Variants in PRKG1 observed in about 807,000 individuals in gnomAD.
PRKG1 encodes protein kinase cGMP-dependent 1, also known as cGMP-dependent protein kinase 1.
PRKG1 carries 35 observed loss-of-function variants against 88.1 expected under a neutral mutation model. The observed-to-expected ratio is 0.40, with a 90% CI of 0.30 to 0.53. The LOEUF is 0.53. Ranked by LOEUF, PRKG1 falls within the 20% of genes least tolerant of loss-of-function variation. PRKG1 has a pLI of 0.59. For missense variants in PRKG1, 540 were observed against 839.8 expected, an observed-to-expected ratio of 0.64 and a Z score of 4.41; for synonymous variants, 303 against 292.5, an observed-to-expected ratio of 1.04 and a Z score of -0.37.
intron 9 of PRKG1, among the ~76,000 whole-genome samples, chr10:52,176,373 T>G (rs1487186202): frequency 1.3e-5 from 2 of 151,974 alleles, no homozygotes; most frequent in East Asian, 1.9e-4. Flanking sequence ...TATTTTTTTC[T>G]GTGTCTTTTA....
chr10:51,214,561 G>A (rs1838319594), intron 2 of PRKG1, among the ~76,000 whole-genome samples: 1 of 151,918 alleles, frequency 6.6e-6, no homozygotes, highest in Non-Finnish European at 1.5e-5. Context: ...TGCTCATTGA[G>A]GCCTCTCCTG....
intron 7 of PRKG1, among the ~76,000 whole-genome samples, chr10:52,110,103 C>G (rs540298518): frequency 6.6e-6 from 1 of 151,898 alleles, no homozygotes; most frequent in Admixed American, 6.5e-5. Flanking sequence ...AATCCTAGCA[C>G]TTTGGGAGGC....
At chr10:51,136,023 C>T (rs990794355) in intron 1 of PRKG1, among the ~76,000 whole-genome samples, 22 of 150,372 alleles carry the variant, frequency 1.5e-4, no homozygotes, top group African/African-American at 5.2e-4. Flanking sequence ...TGCTAAATGA[C>T]GAGTTAATGG....
intron 2 of PRKG1, among the ~76,000 whole-genome samples, chr10:51,206,220 G>T (rs1011584195): frequency 6.6e-6 from 1 of 151,944 alleles, no homozygotes; most frequent in Non-Finnish European, 1.5e-5. Context: ...GGCTGGGCGC[G>T]GTGGTTCACG....
chr10:51,137,234 G>A (rs960508410), intron 1 of PRKG1, among the ~76,000 whole-genome samples: 2 of 152,078 alleles, frequency 1.3e-5, no homozygotes, highest in Non-Finnish European at 2.9e-5. Flanking sequence ...ATGGCCGTGG[G>A]GGCAGGGTGG....
At chr10:51,344,325 G>A (rs1564454919) in intron 2 of PRKG1, among the ~76,000 whole-genome samples, 1 of 152,118 alleles carries the variant, frequency 6.6e-6, no homozygotes, top group Non-Finnish European at 1.5e-5. Flanking sequence ...CACAAGGACA[G>A]CATCAAGAGG....
chr10:51,916,767 C>T (rs1842348991), intron 5 of PRKG1, among the ~76,000 whole-genome samples: 1 of 152,116 alleles, frequency 6.6e-6, no homozygotes, highest in Non-Finnish European at 1.5e-5. Context: ...GTGCAAACAA[C>T]CCAAGTGGTC....
At chr10:51,474,358 C>T (rs116985238) in intron 3 of PRKG1, among the ~76,000 whole-genome samples, 2 of 151,906 alleles carry the variant, frequency 1.3e-5, no homozygotes, top group East Asian at 1.9e-4. Context: ...CTGAGGACTC[C>T]GCTTTCACAA....
At position 51,402,423 on chromosome 10, in the gene PRKG1, T is replaced by A. The variant is rs146883719; in HGVS notation, c.479-65300T>A. Among the ~76,000 whole-genome samples the A allele has an allele frequency of 6.1e-3, 931 of 152,328 alleles. 7 individuals are homozygous for A. Among genetic ancestry groups the A allele is most frequent in the Non-Finnish European group, 9.7e-3 (659 of 68,026 alleles). On this transcript the variant is annotated intron_variant, in intron 2 of 17. Coordinates refer to ENST00000373980, the MANE Select transcript of PRKG1 (RefSeq NM_006258.4). ...AAACATGAAAAAGGGTCATTGCATT[T>A]ACCCTCTGCCATAGAAGCACCACAC... is the stretch of plus-strand genomic sequence containing the variant.
intron 3 of PRKG1, among the ~76,000 whole-genome samples, chr10:51,801,862 G>C (rs1232746107): frequency 6.6e-6 from 1 of 152,100 alleles, no homozygotes; most frequent in Non-Finnish European, 1.5e-5. Flanking sequence ...ATCTTAACCT[G>C]AGAAAATGAT....
chr10:51,016,669 C>CTTTTTTTTTTTTTTT lies in PRKG1; in HGVS notation c.266+25028_266+25029insTTTTTTTTTTTTTTT, dbSNP rs1323068893. Among the ~76,000 whole-genome samples, 18 of 22,772 alleles carry CTTTTTTTTTTTTTTT rather than the reference C, an allele frequency of 7.9e-4. 1 individual carries two copies. Among genetic ancestry groups the CTTTTTTTTTTTTTTT allele is most frequent in the Admixed American group, 2.1e-3 (4 of 1,940 alleles). 14.9% of individuals were successfully genotyped at this position (22,772 alleles called of 152,430 possible). On this transcript the variant is annotated intron_variant, in intron 1 of 17. Transcript: ENST00000401604. Reference sequence around the variant, plus strand: ...ACCCAGTGAAGAAGGTATTATTATCCTTTCTTTTTTTTTTTTTTTTTTTGG... The same window carrying CTTTTTTTTTTTTTTT: ...ACCCAGTGAAGAAGGTATTATTATCCTTTTTTTTTTTTTTTTTTCTTTTTTTTTTTTTTTTTTTGG...
At chr10:52,170,960 C>T (rs1490960984) in intron 9 of PRKG1, among the ~76,000 whole-genome samples, 1 of 152,138 alleles carries the variant, frequency 6.6e-6, no homozygotes, top group Non-Finnish European at 1.5e-5. Context: ...GCACCTGAGG[C>T]TATGTAAATC....
intron 12 of PRKG1, 93 bp from the exon 13 acceptor site, chr10:52,280,696 G>T: frequency 3.6e-6 from 5 of 1,378,966 alleles, no homozygotes; most frequent in South Asian, 1.3e-5. Flanking sequence ...TTAAATTTTG[G>T]CAAAGGAATA....
At chr10:51,453,814 T>C (rs1839505737) in intron 2 of PRKG1, among the ~76,000 whole-genome samples, 1 of 152,074 alleles carries the variant, frequency 6.6e-6, no homozygotes, top group Admixed American at 6.5e-5. Flanking sequence ...ACTGTTGTTG[T>C]CCATTGATGA....
At chr10:51,529,978 C>A (rs930484384) in intron 3 of PRKG1, among the ~76,000 whole-genome samples, 2 of 151,990 alleles carry the variant, frequency 1.3e-5, no homozygotes, top group Non-Finnish European at 2.9e-5. Context: ...TTTAAGTAGC[C>A]TGGAGATGCT....
chr10:52,093,475 G>A (rs549904314), intron 7 of PRKG1, among the ~76,000 whole-genome samples: 91 of 152,078 alleles, frequency 6.0e-4, no homozygotes, highest in Non-Finnish European at 1.1e-3. Context: ...ACATGTGAAA[G>A]TAAAGAAAAA....
At chr10:51,986,561 G>T (rs922967099) in intron 5 of PRKG1, among the ~76,000 whole-genome samples, 1 of 152,204 alleles carries the variant, frequency 6.6e-6, no homozygotes, top group Non-Finnish European at 1.5e-5. Flanking sequence ...CCAGAGTAAT[G>T]CTGGGATGTT....
At chr10:51,281,449 A>G (rs1840293130) in intron 2 of PRKG1, among the ~76,000 whole-genome samples, 1 of 152,162 alleles carries the variant, frequency 6.6e-6, no homozygotes, top group Admixed American at 6.5e-5. Context: ...TCCCATGCCC[A>G]CAGAGCCTCG....
In PRKG1 at chr10:50,991,308, C is replaced by T. The variant is rs1001721516; in HGVS notation, c.-71C>T. 6.3e-6 allele frequency: 7 copies of T among 1,109,844 alleles called. No individual in the cohort carries two copies. The highest frequency in any genetic ancestry group is 8.4e-6 in the Non-Finnish European group (7 of 831,470). 68.7% of individuals were successfully genotyped at this position (1,109,844 alleles called of 1,614,324 possible). A position where few individuals can be genotyped will look rare whatever the true frequency, so the allele number is the denominator to read the frequency against. On this transcript the variant is annotated 5_prime_UTR_variant, in exon 1 of 18. Transcript: ENST00000401604. The surrounding 1 kb of genome is among the most constrained non-coding windows in gnomAD (Gnocchi z 4.5). ...GCGCTCTCCGCTGCCGGCTGCCGTC[C>T]CAGCCGCCGCCGCCGCCGCCGCCGC...
Sources: allele counts gnomAD v4.1 joint callset (sites outside exome capture counted in the v4.1 genomes callset), GRCh38; gene constraint gnomAD v4.1.1; non-coding constraint Gnocchi (gnomAD v3.1); transcripts MANE v1.5; gene names NCBI Gene and HGNC (gene_info 2026-07-23, HGNC 2026-07-21).